Variants in SUV39H2 observed in about 807,000 individuals in gnomAD.
The protein encoded by SUV39H2 is histone-lysine N-methyltransferase SUV39H2.
Under a neutral mutation model 47.5 loss-of-function variants are expected in SUV39H2, and 10 were observed. The observed-to-expected ratio is 0.21, with a 90% confidence interval of 0.13 to 0.36. SUV39H2 has a LOEUF of 0.36. SUV39H2 is among the 10% of genes least tolerant of loss of function. The probability of loss-of-function intolerance (pLI) is 1.00; values close to 1 mark genes in which losing one functional copy is unlikely to be tolerated. For missense variants in SUV39H2, 266 were observed against 487.4 expected, an observed-to-expected ratio of 0.55 and a Z score of 4.28; for synonymous variants, 159 against 166.8, an observed-to-expected ratio of 0.95 and a Z score of 0.36.
At chr10:14,899,418 G>T in intron 3 of SUV39H2, 121 bp from the exon 4 acceptor site, 1 of 1,060,336 alleles carries the variant, frequency 9.4e-7, no homozygotes, top group Non-Finnish European at 1.4e-6. Flanking sequence ...TGTTTGCTTT[G>T]ATGACACCTG....
chr10:14,879,559 T>G lies in SUV39H2; in HGVS notation c.31+640T>G, dbSNP rs192661357. Among the ~76,000 whole-genome samples, 359 of 151,970 alleles carry G rather than the reference T, an allele frequency of 2.4e-3. 2 individuals carry two copies. The highest frequency in any genetic ancestry group is 8.3e-3 in the African/African-American group (344 of 41,464). ...GTAACTCTTTCACCCACCGGGAGCT[T>G]GGTGTTATTTCTGTGGACGCTGGGG... is the stretch of plus-strand genomic sequence containing the variant. On this transcript the variant is annotated intron_variant, in intron 1 of 5. Coordinates refer to ENST00000354919, the MANE Select transcript of SUV39H2 (RefSeq NM_001193424.2).
chr10:14,897,952 T>C (rs898382600), intron 3 of SUV39H2: 1 of 152,432 alleles, frequency 6.6e-6, no homozygotes, highest in Non-Finnish European at 1.5e-5. Flanking sequence ...TGAAAGATAC[T>C]ATATTTATGA....
intron 3 of SUV39H2, 42 bp downstream of exon 3, chr10:14,897,559 G>GT: frequency 7.0e-7 from 1 of 1,431,750 alleles, no homozygotes. Context: ...GACATGCAAG[G>GT]TTTATACTTT....
intron 2 of SUV39H2, among the ~76,000 whole-genome samples, chr10:14,883,358 T>C (rs1833100665): frequency 6.6e-6 from 1 of 152,190 alleles, no homozygotes; most frequent in African/African-American, 2.4e-5. Context: ...AACAGCTTTG[T>C]TGAGATATAA....
chr10:14,890,958 C>T (rs1350117526), intron 2 of SUV39H2, among the ~76,000 whole-genome samples: 6 of 152,180 alleles, frequency 3.9e-5, no homozygotes, highest in African/African-American at 1.2e-4. Context: ...TTTTGTTATA[C>T]ATTCAGAAAC....
Position 14,903,971 on chromosome 10 carries a change from T to TA in SUV39H2, c.*1460dup. 6.6e-6 allele frequency: 1 copy of TA among 152,218 alleles called. No individual in the cohort carries two copies. Among genetic ancestry groups the TA allele is most frequent in the Admixed American group, 6.5e-5 (1 of 15,276 alleles). 9.4% of individuals were successfully genotyped at this position (152,218 alleles called of 1,614,324 possible). ...TTCATAATATATAGGATAAATTGTT[T>TA]ACATGATTGGACCCTCAGATTCTGT... On this transcript the variant is annotated 3_prime_UTR_variant, in exon 6 of 6. Coordinates refer to ENST00000354919, the MANE Select transcript of SUV39H2 (RefSeq NM_001193424.2).
chr10:14,883,391 A>G (rs1245400393), intron 2 of SUV39H2, among the ~76,000 whole-genome samples: 1 of 151,808 alleles, frequency 6.6e-6, no homozygotes, highest in African/African-American at 2.4e-5. Context: ...CATACAGCTC[A>G]CCTATTTAAA....
At chr10:14,880,747 T>C (rs1315112204) in intron 1 of SUV39H2, among the ~76,000 whole-genome samples, 1 of 152,258 alleles carries the variant, frequency 6.6e-6, no homozygotes, top group Non-Finnish European at 1.5e-5. Context: ...TGAGTATGTC[T>C]AATTTTCTTT....
intron 2 of SUV39H2, among the ~76,000 whole-genome samples, chr10:14,889,585 A>G (rs184922864): frequency 2.0e-5 from 3 of 152,320 alleles, no homozygotes; most frequent in African/African-American, 7.2e-5. Context: ...CTCCATGGCC[A>G]TGGAAGGCTG....
chr10:14,881,928 A>G (rs370872803), intron 2 of SUV39H2, among the ~76,000 whole-genome samples: 4 of 152,176 alleles, frequency 2.6e-5, no homozygotes, highest in East Asian at 3.8e-4. Context: ...TTGATCTCCA[A>G]TTGTCTTTCG....
intron 1 of SUV39H2, among the ~76,000 whole-genome samples, chr10:14,879,288 C>T (rs1054635242): frequency 2.0e-5 from 3 of 152,182 alleles, no homozygotes; most frequent in Admixed American, 6.5e-5. Context: ...CGACTGGCTC[C>T]TTTGTGGTGG....
chr10:14,886,493 G>A (rs1196829104), intron 2 of SUV39H2, among the ~76,000 whole-genome samples: 4 of 152,146 alleles, frequency 2.6e-5, no homozygotes, highest in African/African-American at 7.2e-5. Flanking sequence ...TTTTAGTCCC[G>A]GTACAGAACG....
At chr10:14,883,933 A>G (rs1421035722) in intron 2 of SUV39H2, among the ~76,000 whole-genome samples, 4 of 152,124 alleles carry the variant, frequency 2.6e-5, no homozygotes, top group Admixed American at 1.3e-4. Flanking sequence ...GAATCATACC[A>G]TATGTGGTCC....
chr10:14,884,385 C>G (rs1833140630), intron 2 of SUV39H2, among the ~76,000 whole-genome samples: 1 of 152,202 alleles, frequency 6.6e-6, no homozygotes, highest in Non-Finnish European at 1.5e-5. Flanking sequence ...GAAGTGGCAT[C>G]TCATTGTGGT....
chr10:14,884,750 C>T (rs1384404612), intron 2 of SUV39H2, among the ~76,000 whole-genome samples: 1 of 152,174 alleles, frequency 6.6e-6, no homozygotes, highest in Non-Finnish European at 1.5e-5. Context: ...CTCTTTGAAA[C>T]TCTCGTCTAT....
chr10:14,892,999 ATTTT>A (rs869161891), intron 2 of SUV39H2, among the ~76,000 whole-genome samples: 42 of 79,910 alleles, frequency 5.3e-4, no homozygotes, highest in African/African-American at 1.7e-3. Flanking sequence ...AATTTTTTGT[ATTTT>A]TTTTTTTTTT....
intron 2 of SUV39H2, among the ~76,000 whole-genome samples, chr10:14,889,117 AAATT>A (rs1833305931): frequency 6.6e-6 from 1 of 152,150 alleles, no homozygotes; most frequent in Admixed American, 6.5e-5. Context: ...AAAAAAAAAA[AAATT>A]AACCGGAGGT....
chr10:14,901,409 C>A, intron 5 of SUV39H2, 147 bp downstream of exon 5: 4 of 1,016,394 alleles, frequency 3.9e-6, no homozygotes, highest in Non-Finnish European at 5.7e-6. Context: ...AGGTACAAAG[C>A]TAATCCAACA....
rs998537070 is a variant in SUV39H2 at position 14,897,003 on chromosome 10, C to G, written c.335C>G (p.Pro112Arg). 2 of 1,614,012 alleles carry G rather than the reference C, an allele frequency of 1.2e-6. No homozygotes were observed. The highest frequency in any genetic ancestry group is 3.3e-5 in the Admixed American group (2 of 60,014). ...SQVKKGKAIT[P>R]KDNNKTLKPA... ...GTAAAGAAAGGCAAAGCAATAACTC[C>G]AAAAGACAATAACAAAACTTTGAAA... The change falls in exon 3 of 6, where the codon CCA becomes CGA. Residue 112 changes from proline (P) to arginine (R), a missense_variant. Pro to Arg is a moderately radical substitution (Grantham distance 103). Around this residue, in one of 4 missense-constraint regions of SUV39H2, gnomAD observed 91 missense variants for 110.9 expected, o/e 0.82. Coordinates refer to ENST00000354919, the MANE Select transcript of SUV39H2 (RefSeq NM_001193424.2).
Sources: allele counts gnomAD v4.1 joint callset (sites outside exome capture counted in the v4.1 genomes callset), GRCh38; gene constraint gnomAD v4.1.1; regional missense constraint gnomAD v4.1.1; transcripts MANE v1.5; gene names NCBI Gene and HGNC (gene_info 2026-07-23, HGNC 2026-07-21).